The following PHGDH variants were observed in gnomAD, a reference collection of about 807,000 sequenced individuals.
PHGDH encodes phosphoglycerate dehydrogenase, also known as D-3-phosphoglycerate dehydrogenase.
A neutral mutation model predicts 52.6 loss-of-function variants in PHGDH; 50 were observed. The ratio of observed to expected loss-of-function variants is 0.95; its 90% CI spans 0.76 to 1.20. The LOEUF (loss-of-function observed/expected upper bound fraction) is 1.20, where lower values mean the gene tolerates loss of function less well. PHGDH is among the 50% of genes most tolerant of loss of function. The pLI is 0.00. For synonymous variants in PHGDH, 271 were observed against 280.5 expected, an observed-to-expected ratio of 0.97 and a Z score of 0.34; for missense variants, 630 against 684.6, an observed-to-expected ratio of 0.92 and a Z score of 0.89.
intron 1 of PHGDH, among the ~76,000 whole-genome samples, chr1:119,718,161 G>C (rs1651010411): frequency 1.3e-5 from 2 of 152,190 alleles, no homozygotes; most frequent in Non-Finnish European, 2.9e-5. Flanking sequence ...TCTTGGAGAA[G>C]CCACAGGATT....
At chr1:119,740,594 G>A in intron 9 of PHGDH, 76 bp downstream of exon 9, 1 of 1,292,290 alleles carries the variant, frequency 7.7e-7, no homozygotes, top group Non-Finnish European at 1.1e-6. Context: ...GGGTGTATTT[G>A]CTGCAGGACA....
chr1:119,742,666 C>T (rs377666313), intron 10 of PHGDH, 141 bp from the exon 11 acceptor site: 2 of 690,702 alleles, frequency 2.9e-6, no homozygotes, highest in Non-Finnish European at 5.3e-6. Context: ...CCCATTTGCC[C>T]TCTCCCTTCT....
At chr1:119,736,449 T>C (rs1330960174) in intron 7 of PHGDH, among the ~76,000 whole-genome samples, 1 of 152,156 alleles carries the variant, frequency 6.6e-6, no homozygotes, top group Non-Finnish European at 1.5e-5. Flanking sequence ...CAAAATTCAA[T>C]GGGACCAACA....
Position 119,727,059 on chromosome 1 carries a change from T to C in PHGDH, c.467T>C (p.Ile156Thr), listed in dbSNP as rs777418115. Reference protein sequence around the residue: ...KTLGILGLGRIGREVATRMQS... With the variant: ...KTLGILGLGRTGREVATRMQS... ...CTGGGAATTCTTGGCCTGGGCAGGA[T>C]TGGGAGAGAGGTAGCTACCCGGATG... Residue 156 changes from isoleucine to threonine, a missense_variant, in exon 5 of 12, where the codon ATT (isoleucine) becomes ACT (threonine). By Grantham distance (89) the Ile-to-Thr change is moderately conservative (BLOSUM62 -1). Coordinates refer to ENST00000641023, the MANE Select transcript of PHGDH (RefSeq NM_006623.4). The C allele has an allele frequency of 1.3e-5, 21 of 1,613,146 alleles. No homozygotes were observed. Among genetic ancestry groups the C allele is most frequent in the Admixed American group, 1.7e-5 (1 of 59,984 alleles).
intron 3 of PHGDH, among the ~76,000 whole-genome samples, chr1:119,725,208 G>A (rs766068026): frequency 6.6e-6 from 1 of 152,142 alleles, no homozygotes; most frequent in African/African-American, 2.4e-5. Context: ...GAGGACCCTC[G>A]CCCACATTAG....
chr1:119,735,185 G>A, intron 6 of PHGDH, 110 bp from the exon 7 acceptor site: 1 of 1,414,130 alleles, frequency 7.1e-7, no homozygotes, highest in Middle Eastern at 1.8e-4. Context: ...CAGCAGGAGA[G>A]AGGCTCTGGG....
Position 119,726,998 on chromosome 1 carries a change from T to C in PHGDH, c.412-6T>C, listed in dbSNP as rs762278325. 32 of 1,612,462 alleles carry C rather than the reference T, an allele frequency of 2.0e-5. No homozygotes were observed. The South Asian group carries it at 3.3e-4, about 17-fold the overall frequency. On this transcript the variant is annotated splice_region_variant and splice_polypyrimidine_tract_variant and intron_variant, in intron 4 of 11. Transcript: ENST00000641023. ...AGCTTCTTTCCTTTTGCCTGTTTGG[T>C]TGCAGTTCATGGGAACAGAGCTGAA...
intron 5 of PHGDH, among the ~76,000 whole-genome samples, chr1:119,733,193 G>T (rs1215364592): frequency 2.0e-5 from 3 of 152,192 alleles, no homozygotes; most frequent in African/African-American, 7.2e-5. Flanking sequence ...GATGGTTGGT[G>T]TGGGGCCACT....
intron 8 of PHGDH, among the ~76,000 whole-genome samples, chr1:119,738,086 C>CT (rs923488893): frequency 6.8e-6 from 1 of 147,122 alleles, no homozygotes; most frequent in African/African-American, 2.6e-5. Flanking sequence ...TTTCCCTAAT[C>CT]TTTCTACTTA....
chr1:119,724,739 G>T (rs1651328135), intron 3 of PHGDH: 1 of 453,238 alleles, frequency 2.2e-6, no homozygotes, highest in Non-Finnish European at 4.4e-6. Flanking sequence ...TTCTGGAGGT[G>T]GAAGGAAAGG....
chr1:119,717,006 A>G (rs1650962777), intron 1 of PHGDH, among the ~76,000 whole-genome samples: 2 of 152,160 alleles, frequency 1.3e-5, no homozygotes, highest in Admixed American at 6.5e-5. Context: ...TAGTGAAACT[A>G]GTGACCACTT....
chr1:119,714,627 G>T (rs1650845331), intron 1 of PHGDH: 1 of 152,284 alleles, frequency 6.6e-6, no homozygotes, highest in South Asian at 2.1e-4. Context: ...AACACTTTGG[G>T]AGGGGCCAAA....
chr1:119,724,807 C>T (rs941769168), intron 3 of PHGDH: 18 of 456,446 alleles, frequency 3.9e-5, no homozygotes, highest in East Asian at 1.4e-4. Flanking sequence ...TTAAAGGAAT[C>T]GGTGAAATGC....
intron 1 of PHGDH, among the ~76,000 whole-genome samples, chr1:119,716,531 T>C (rs667770): frequency 0.25 from 37,836 of 151,942 alleles, 5,446 homozygotes; most frequent in East Asian, 0.6. Flanking sequence ...GGAGAGAACA[T>C]TGAAGAAGGA....
At chr1:119,727,261 A>G (rs1651472465) in intron 5 of PHGDH, 159 bp downstream of exon 5, 1 of 674,008 alleles carries the variant, frequency 1.5e-6, no homozygotes, top group Admixed American at 2.1e-5. Flanking sequence ...GGGAGAGAAC[A>G]CTGGCCTGCT....
intron 6 of PHGDH, 90 bp from the exon 7 acceptor site, chr1:119,735,205 G>A: frequency 6.5e-7 from 1 of 1,550,202 alleles, no homozygotes; most frequent in Non-Finnish European, 8.9e-7. Context: ...GAAAGAGCTG[G>A]CTCAAGGAAA....
At chr1:119,723,596 G>T in intron 3 of PHGDH, 155 bp downstream of exon 3, 1 of 700,824 alleles carries the variant, frequency 1.4e-6, no homozygotes, top group Non-Finnish European at 2.6e-6. Context: ...GAACCTTTAA[G>T]GCCATCAGGT....
At chr1:119,740,842 C>G (rs1047193370) in intron 9 of PHGDH, among the ~76,000 whole-genome samples, 3 of 152,144 alleles carry the variant, frequency 2.0e-5, no homozygotes, top group Admixed American at 6.5e-5. Flanking sequence ...GAGGGAGGCC[C>G]TAATTAAGCA....
intron 1 of PHGDH, among the ~76,000 whole-genome samples, chr1:119,716,092 G>A (rs748177225): frequency 1.3e-5 from 2 of 152,128 alleles, no homozygotes; most frequent in Non-Finnish European, 2.9e-5. Flanking sequence ...GGCTGTCTGT[G>A]AATATGTGCT....
Sources: gnomAD v4.1 joint callset for allele counts (sites outside exome capture counted in the v4.1 genomes callset) on GRCh38, gnomAD v4.1.1 for gene constraint, MANE v1.5 for transcripts, NCBI Gene and HGNC (gene_info 2026-07-23, HGNC 2026-07-21) for gene names.